Variants in ADAM12 observed in about 807,000 individuals in gnomAD.
The protein encoded by ADAM12 is disintegrin and metalloproteinase domain-containing protein 12.
A neutral mutation model predicts 106.4 loss-of-function variants in ADAM12; 70 were observed. That is an observed-to-expected ratio of 0.66 (90% CI 0.54 to 0.80). The LOEUF (loss-of-function observed/expected upper bound fraction) is 0.80. Among genes scored for constraint, ADAM12 ranks in the 30% least tolerant of loss-of-function variants. The pLI is 0.00. For missense variants in ADAM12, 1,010 were observed against 1,171.9 expected (o/e 0.86, Z 2.02); for synonymous variants, 420 against 433.5 (o/e 0.97, Z 0.39).
At chr10:126,202,001 T>C (rs1004436708) in intron 3 of ADAM12, among the ~76,000 whole-genome samples, 2 of 152,184 alleles carry the variant, frequency 1.3e-5, no homozygotes, top group African/African-American at 2.4e-5. Context: ...TCAGAGCTCG[T>C]CCAGTGGAAA....
At chr10:126,319,662 T>C (rs1305063709) in intron 2 of ADAM12, among the ~76,000 whole-genome samples, 5 of 152,220 alleles carry the variant, frequency 3.3e-5, no homozygotes, top group African/African-American at 7.2e-5. Flanking sequence ...AAAACGAACA[T>C]TGAGTCAAAG....
intron 4 of ADAM12, among the ~76,000 whole-genome samples, chr10:126,139,309 G>A (rs557210148): frequency 6.6e-6 from 1 of 151,940 alleles, no homozygotes; most frequent in Non-Finnish European, 1.5e-5. Flanking sequence ...TTAAGCTTAT[G>A]TATAGGTATT....
chr10:126,169,095 A>G (rs961918889), intron 3 of ADAM12, among the ~76,000 whole-genome samples: 23 of 152,094 alleles, frequency 1.5e-4, no homozygotes, highest in African/African-American at 5.3e-4. Context: ...CTTAGTGTGG[A>G]CCAGGCCCAC....
intron 18 of ADAM12, among the ~76,000 whole-genome samples, chr10:126,040,676 T>C (rs895956229): frequency 6.6e-6 from 1 of 152,210 alleles, no homozygotes; most frequent in Non-Finnish European, 1.5e-5. Context: ...GGGCTCTAGC[T>C]AGAGTTCTGG....
chr10:126,121,132 T>TATATATAGTATATATAGTATAC (rs1956090936), intron 5 of ADAM12, among the ~76,000 whole-genome samples: 1 of 17,786 alleles, frequency 5.6e-5, no homozygotes, highest in Admixed American at 8.1e-4. Flanking sequence ...GTATATATAC[T>TATATATAGTATATATAGTATAC]ATATACTATA....
intron 6 of ADAM12, among the ~76,000 whole-genome samples, chr10:126,117,827 T>C (rs1956013968): frequency 6.6e-6 from 1 of 151,692 alleles, no homozygotes. Flanking sequence ...TTAATGAGTC[T>C]GAGACTGACA....
chr10:126,361,778 A>G (rs1855754552), intron 1 of ADAM12, among the ~76,000 whole-genome samples: 1 of 152,226 alleles, frequency 6.6e-6, no homozygotes, highest in South Asian at 2.1e-4. Context: ...CTATATACAA[A>G]AAAGCCAACT....
Position 126,263,090 on chromosome 10 carries a change from A to T in ADAM12, c.260+15825T>A, listed in dbSNP as rs1959032355. 2.6e-5 allele frequency among the ~76,000 whole-genome samples: 4 copies of T among 152,100 alleles called. No homozygotes were observed. In the South Asian group the frequency reaches 8.3e-4, roughly 32 times the overall value. ...TCACTGAAATACAATGAGATAAGAAACCTTGGCTCTCGTAGGAATTGTTTA... is the reference window on the plus strand; with the variant it reads ...TCACTGAAATACAATGAGATAAGAATCCTTGGCTCTCGTAGGAATTGTTTA... On this transcript the variant is annotated intron_variant, in intron 3 of 22. Transcript: ENST00000448723.
At chr10:126,222,442 C>T (rs911878327) in intron 3 of ADAM12, among the ~76,000 whole-genome samples, 2 of 151,260 alleles carry the variant, frequency 1.3e-5, no homozygotes, top group East Asian at 1.9e-4. Context: ...ACTTATCCCA[C>T]GGGGTGGTTG....
intron 2 of ADAM12, among the ~76,000 whole-genome samples, chr10:126,292,407 G>A (rs1960193074): frequency 6.6e-6 from 1 of 151,986 alleles, no homozygotes; most frequent in Non-Finnish European, 1.5e-5. Flanking sequence ...CCTGCAACAT[G>A]GCCCTCATTC....
intron 1 of ADAM12, among the ~76,000 whole-genome samples, chr10:126,366,695 T>C (rs1287145937): frequency 1.3e-5 from 2 of 152,028 alleles, no homozygotes; most frequent in African/African-American, 2.4e-5. Context: ...AGCATAAATA[T>C]AGATATACTG....
chr10:126,380,351 C>T (rs913404103), intron 1 of ADAM12, among the ~76,000 whole-genome samples: 7 of 152,192 alleles, frequency 4.6e-5, no homozygotes, highest in African/African-American at 1.4e-4. Flanking sequence ...TAATTACAAT[C>T]TCACTGCTAT....
At chr10:126,298,990 G>A (rs1033701542) in intron 2 of ADAM12, among the ~76,000 whole-genome samples, 3 of 152,200 alleles carry the variant, frequency 2.0e-5, no homozygotes, top group African/African-American at 7.2e-5. Context: ...GCCGCAGATT[G>A]CATTAAAGAA....
chr10:126,270,241 T>A (rs1959169091), intron 3 of ADAM12, among the ~76,000 whole-genome samples: 1 of 152,122 alleles, frequency 6.6e-6, no homozygotes, highest in South Asian at 2.1e-4. Context: ...AGCACCGGAT[T>A]CTCCAAGGCA....
chr10:126,348,672 C>T (rs746090041), intron 1 of ADAM12, among the ~76,000 whole-genome samples: 2 of 152,142 alleles, frequency 1.3e-5, no homozygotes, highest in African/African-American at 2.4e-5. Context: ...TGTCTCTGTG[C>T]CACGTGGACT....
chr10:126,342,740 G>C (rs1206709460), intron 1 of ADAM12, among the ~76,000 whole-genome samples: 1 of 152,174 alleles, frequency 6.6e-6, no homozygotes, highest in Non-Finnish European at 1.5e-5. Flanking sequence ...CACTGCCTTG[G>C]TTTAAAATCC....
intron 3 of ADAM12, among the ~76,000 whole-genome samples, chr10:126,195,797 G>A (rs763627401): frequency 2.0e-5 from 3 of 151,924 alleles, no homozygotes; most frequent in Non-Finnish European, 4.4e-5. Flanking sequence ...CTATTTATAT[G>A]ATACAATTTA....
chr10:126,143,878 C>T (rs1283222177), intron 4 of ADAM12, among the ~76,000 whole-genome samples: 1 of 152,136 alleles, frequency 6.6e-6, no homozygotes, highest in African/African-American at 2.4e-5. Context: ...TACATGTTTG[C>T]TTGAGACTAA....
chr10:126,017,460 A>G, intron 22 of ADAM12, 121 bp from the exon 23 acceptor site: 2 of 862,814 alleles, frequency 2.3e-6, no homozygotes, highest in South Asian at 4.3e-5. Context: ...GTCAGATACC[A>G]CTGCCCCTCA....
Sources: gnomAD v4.1 joint callset for allele counts (sites outside exome capture counted in the v4.1 genomes callset) on GRCh38, gnomAD v4.1.1 for gene constraint, MANE v1.5 for transcripts, NCBI Gene and HGNC (gene_info 2026-07-23, HGNC 2026-07-21) for gene names.